The following RALGAPA2 variants were observed in gnomAD, a reference collection of about 807,000 sequenced individuals.
RALGAPA2 encodes the protein Ral GTPase activating protein catalytic subunit alpha 2.
A neutral mutation model predicts 230.4 loss-of-function variants in RALGAPA2; 139 were observed. The observed-to-expected ratio is 0.60, with a 90% CI of 0.53 to 0.69. RALGAPA2 has a LOEUF of 0.69. RALGAPA2 is among the 30% of genes least tolerant of loss of function. The pLI is 0.00. For missense variants in RALGAPA2, 2,163 were observed against 2,276.0 expected, an observed-to-expected ratio of 0.95 and a Z score of 1.01; for synonymous variants, 847 against 837.8, an observed-to-expected ratio of 1.01 and a Z score of -0.19.
intron 1 of RALGAPA2, among the ~76,000 whole-genome samples, chr20:20,700,021 C>T (rs968744484): frequency 1.3e-5 from 2 of 152,120 alleles, no homozygotes; most frequent in African/African-American, 4.8e-5. Flanking sequence ...TGTTCATTGC[C>T]ATGCGATTCA....
intron 33 of RALGAPA2, among the ~76,000 whole-genome samples, chr20:20,508,314 G>C (rs1159017022): frequency 6.6e-6 from 1 of 152,186 alleles, no homozygotes; most frequent in Non-Finnish European, 1.5e-5. Flanking sequence ...GCACACCAAT[G>C]CATGAAGGAG....
chr20:20,620,309 T>C (rs1383997593), intron 11 of RALGAPA2, among the ~76,000 whole-genome samples, 154 bp downstream of exon 11: 4 of 152,130 alleles, frequency 2.6e-5, no homozygotes, highest in Admixed American at 6.5e-5. Context: ...CTCTCCTTGG[T>C]AGATCCTCAC....
intron 1 of RALGAPA2, among the ~76,000 whole-genome samples, chr20:20,683,546 G>C (rs1296110776): frequency 6.6e-6 from 1 of 152,082 alleles, no homozygotes; most frequent in Non-Finnish European, 1.5e-5. Context: ...TCTTCACTTG[G>C]GGCCCCTGCA....
chr20:20,560,220 T>A (rs1188425651), intron 23 of RALGAPA2, among the ~76,000 whole-genome samples: 1 of 152,176 alleles, frequency 6.6e-6, no homozygotes, highest in Non-Finnish European at 1.5e-5. Context: ...TGGGTCTTGA[T>A]GAAGGGACCA....
chr20:20,504,204 A>G (rs1056960248), intron 34 of RALGAPA2, among the ~76,000 whole-genome samples: 1 of 152,252 alleles, frequency 6.6e-6, no homozygotes, highest in African/African-American at 2.4e-5. Context: ...GCTTAAAAAT[A>G]TATTAAATAA....
At chr20:20,450,771 C>G (rs1446181019) in intron 37 of RALGAPA2, among the ~76,000 whole-genome samples, 1 of 152,250 alleles carries the variant, frequency 6.6e-6, no homozygotes, top group African/African-American at 2.4e-5. Context: ...ACATCGTGCA[C>G]TGATGTTCCA....
At chr20:20,652,048 A>C (rs2067417838) in intron 4 of RALGAPA2, among the ~76,000 whole-genome samples, 1 of 152,262 alleles carries the variant, frequency 6.6e-6, no homozygotes, top group Admixed American at 6.5e-5. Context: ...TGAAATATTT[A>C]AAGATAAAGG....
chr20:20,549,008 CTTGTG>C (rs1485316795), intron 23 of RALGAPA2, among the ~76,000 whole-genome samples: 1 of 152,170 alleles, frequency 6.6e-6, no homozygotes, highest in African/African-American at 2.4e-5. Flanking sequence ...CTTTGTTATG[CTTGTG>C]TTAATTCCAT....
chr20:20,577,229 G>A (rs1165569322), intron 20 of RALGAPA2, among the ~76,000 whole-genome samples: 1 of 151,966 alleles, frequency 6.6e-6, no homozygotes, highest in African/African-American at 2.4e-5. Flanking sequence ...CTCAAGTAGA[G>A]GAATGACAAG....
intron 1 of RALGAPA2, among the ~76,000 whole-genome samples, chr20:20,708,961 C>T (rs1443554516): frequency 6.6e-6 from 1 of 151,596 alleles, no homozygotes; most frequent in African/African-American, 2.4e-5. Flanking sequence ...GTGGGAGGAT[C>T]GTTTGAGTCT....
intron 38 of RALGAPA2, among the ~76,000 whole-genome samples, chr20:20,408,171 G>A (rs1243570972): frequency 1.3e-5 from 2 of 152,082 alleles, no homozygotes; most frequent in African/African-American, 2.4e-5. Context: ...AGTCAGTTTG[G>A]GTATTCCGAG....
chr20:20,534,306 A>AT (rs2063443585), intron 26 of RALGAPA2, among the ~76,000 whole-genome samples: 1 of 151,908 alleles, frequency 6.6e-6, no homozygotes, highest in Non-Finnish European at 1.5e-5. Context: ...TTAGCCGGGC[A>AT]TGGTGGCAGG....
intron 8 of RALGAPA2, among the ~76,000 whole-genome samples, chr20:20,637,043 G>A (rs1333691976): frequency 6.6e-6 from 1 of 152,088 alleles, no homozygotes; most frequent in Non-Finnish European, 1.5e-5. Flanking sequence ...CACCCACAAG[G>A]AAAGACTTCA....
In RALGAPA2 at chr20:20,674,252, G is replaced by A. The variant is rs149875593; in HGVS notation, c.270+1984C>T. Among the ~76,000 whole-genome samples the A allele has an allele frequency of 1.1e-3, 171 of 151,348 alleles. 3 individuals are homozygous for A. The East Asian group carries it at 0.021, about 19-fold the overall frequency. Reference sequence around the variant, plus strand: ...TTAGTCCATCCAAAAATCTAGAACTGTAATTCACCATATTAATACTCAAGA... The same window carrying A: ...TTAGTCCATCCAAAAATCTAGAACTATAATTCACCATATTAATACTCAAGA... On this transcript the variant is annotated intron_variant, in intron 3 of 39. Transcript: ENST00000202677.
chr20:20,691,106 C>G (rs1050796208), intron 1 of RALGAPA2, among the ~76,000 whole-genome samples: 8 of 152,158 alleles, frequency 5.3e-5, no homozygotes, highest in African/African-American at 1.9e-4. Context: ...TTCCCACCTG[C>G]AAGCCTCAGT....
At chr20:20,396,320 C>T (rs1336598426) in intron 39 of RALGAPA2, among the ~76,000 whole-genome samples, 3 of 152,264 alleles carry the variant, frequency 2.0e-5, no homozygotes, top group East Asian at 1.9e-4. Flanking sequence ...CAGCACGTGC[C>T]GTGTCTTATC....
At chr20:20,393,739 G>A (rs2059646292) in intron 39 of RALGAPA2, among the ~76,000 whole-genome samples, 1 of 152,210 alleles carries the variant, frequency 6.6e-6, no homozygotes, top group Non-Finnish European at 1.5e-5. Flanking sequence ...AAGACTAGAG[G>A]TCAGTCCTAA....
intron 3 of RALGAPA2, among the ~76,000 whole-genome samples, chr20:20,663,860 G>A (rs553830721): frequency 1.3e-5 from 2 of 152,140 alleles, no homozygotes; most frequent in Non-Finnish European, 2.9e-5. Flanking sequence ...CCAAAGTGCT[G>A]GGATTACAGG....
intron 35 of RALGAPA2, among the ~76,000 whole-genome samples, chr20:20,496,381 T>A (rs1291980201): frequency 6.6e-6 from 1 of 152,064 alleles, no homozygotes; most frequent in African/African-American, 2.4e-5. Flanking sequence ...TGACAAAGAA[T>A]CAAAGTGTGA....
Sources: allele counts gnomAD v4.1 joint callset (sites outside exome capture counted in the v4.1 genomes callset), GRCh38; gene constraint gnomAD v4.1.1; transcripts MANE v1.5; gene names NCBI Gene and HGNC (gene_info 2026-07-23, HGNC 2026-07-21).